The following FARP1 variants were observed in gnomAD, a reference collection of about 807,000 sequenced individuals.
The protein encoded by FARP1 is FERM, ARH/RhoGEF and pleckstrin domain protein 1, also known as FERM, ARHGEF and pleckstrin domain-containing protein 1.
In FARP1, 52 loss-of-function variants were observed where a neutral mutation model predicts 128.8. The observed-to-expected ratio is 0.40, with a 90% CI of 0.32 to 0.51. The LOEUF is 0.51. Among genes scored for constraint, FARP1 ranks in the 20% least tolerant of loss-of-function variants. The probability of loss-of-function intolerance (pLI) is 0.45; values close to 1 mark genes in which losing one functional copy is unlikely to be tolerated. For synonymous variants in FARP1, 580 were observed against 551.8 expected (o/e 1.05, Z -0.72); for missense variants, 1,333 against 1,367.9 (o/e 0.97, Z 0.40).
At chr13:98,393,019 A>G (rs2140064170) in intron 11 of FARP1, among the ~76,000 whole-genome samples, 1 of 152,270 alleles carries the variant, frequency 6.6e-6, no homozygotes, top group South Asian at 2.1e-4. Context: ...CTATATTTAC[A>G]CAGTCTCATG....
At chr13:98,299,402 G>A (rs1359302757) in intron 2 of FARP1, among the ~76,000 whole-genome samples, 2 of 152,280 alleles carry the variant, frequency 1.3e-5, no homozygotes, top group Non-Finnish European at 1.5e-5. Flanking sequence ...TTGAAAGATG[G>A]GGCCCAGCAG....
chr13:98,198,233 T>C (rs192505781), intron 1 of FARP1, among the ~76,000 whole-genome samples: 2 of 152,342 alleles, frequency 1.3e-5, no homozygotes, highest in East Asian at 3.9e-4. Context: ...AGGACTTTGC[T>C]TCTCGTTTCC....
chr13:98,395,849 G>T (rs1427721698), intron 13 of FARP1: 6 of 400,632 alleles, frequency 1.5e-5, no homozygotes, highest in Admixed American at 8.7e-5. Flanking sequence ...GCTGGTCACA[G>T]CCCCCTGGCC....
At chr13:98,214,050 G>T (rs1326831187) in intron 2 of FARP1, among the ~76,000 whole-genome samples, 6 of 152,182 alleles carry the variant, frequency 3.9e-5, no homozygotes, top group African/African-American at 7.2e-5. Context: ...CAGCCTGGGG[G>T]CCGGAGGTGT....
intron 24 of FARP1, 72 bp downstream of exon 24, chr13:98,440,908 C>T: frequency 6.8e-7 from 1 of 1,462,546 alleles, no homozygotes; most frequent in Non-Finnish European, 9.2e-7. Flanking sequence ...AACTTCTGGG[C>T]CAGGGGCTTG....
chr13:98,153,007 G>A (rs1209523890), intron 1 of FARP1, among the ~76,000 whole-genome samples: 1 of 151,958 alleles, frequency 6.6e-6, no homozygotes, highest in African/African-American at 2.4e-5. Context: ...AGCCATTTCT[G>A]TCAACCTAGA....
chr13:98,320,599 G>A lies in FARP1; in HGVS notation c.172-23163G>A, dbSNP rs563294613. Among the ~76,000 whole-genome samples the A allele has an allele frequency of 2.0e-5, 3 of 152,120 alleles. No individual in the cohort carries two copies. The East Asian group carries it at 5.8e-4, about 29-fold the overall frequency. On this transcript the variant is annotated intron_variant, in intron 2 of 26. Transcript: ENST00000319562. ...ATGAACAGATTTAACTTGCTTTTTT[G>A]GTATCCATGGACACCTTAGACTGTT...
At chr13:98,384,972 A>C (rs913253918) in intron 7 of FARP1, 128 bp downstream of exon 7, 8 of 635,960 alleles carry the variant, frequency 1.3e-5, no homozygotes, top group Non-Finnish European at 2.3e-5. Context: ...TGAGGAAAGA[A>C]GATCACAGAG....
At chr13:98,254,575 C>T (rs191752018) in intron 2 of FARP1, among the ~76,000 whole-genome samples, 1 of 152,230 alleles carries the variant, frequency 6.6e-6, no homozygotes, top group Admixed American at 6.5e-5. Flanking sequence ...TATCCTTCTG[C>T]CTGTGTTGCT....
chr13:98,409,468 G>A lies in FARP1; in HGVS notation c.1545G>A (p.Pro515=), dbSNP rs781763638. 15 of 1,613,878 alleles carry A rather than the reference G, an allele frequency of 9.3e-6. No homozygotes were observed. The highest frequency in any genetic ancestry group is 1.1e-5 in the Non-Finnish European group (13 of 1,179,936). The change falls in exon 14 of 27, where the codon CCG becomes CCA. Residue 515 remains proline, a synonymous_variant. Coordinates refer to ENST00000319562, the MANE Select transcript of FARP1 (RefSeq NM_005766.4). ...DTKQASPLIS[P]LLNDQACPRT... is the part of the protein sequence containing the mutation. ...AGCAGGCCTCTCCCTTGATCAGCCC[G>A]CTGCTGAATGACCAGGCCTGCCCCC...
chr13:98,157,502 G>A (rs1393985126), intron 1 of FARP1, among the ~76,000 whole-genome samples: 1 of 152,054 alleles, frequency 6.6e-6, no homozygotes, highest in Non-Finnish European at 1.5e-5. Flanking sequence ...CTCCTCCCGG[G>A]TGCCAGCGTG....
chr13:98,188,203 A>G (rs1188674272), intron 1 of FARP1, among the ~76,000 whole-genome samples: 3 of 152,178 alleles, frequency 2.0e-5, no homozygotes, highest in Non-Finnish European at 2.9e-5. Flanking sequence ...TCTTGTTCAC[A>G]GGAGTGTCCT....
At chr13:98,333,324 A>G (rs1168797253) in intron 2 of FARP1, 3 of 152,112 alleles carry the variant, frequency 2.0e-5, no homozygotes, top group African/African-American at 7.2e-5. Context: ...ACTCAAGATC[A>G]GGAGATGACA....
At chr13:98,382,484 T>C (rs902542252) in intron 6 of FARP1, 1 of 151,874 alleles carries the variant, frequency 6.6e-6, no homozygotes, top group African/African-American at 2.4e-5. Flanking sequence ...TGGGAAAGAG[T>C]GTGTTCTAAG....
rs1217734679 is a variant in FARP1 at position 98,176,265 on chromosome 13, A to T, written c.-24+32773A>T. The stretch of plus-strand genomic sequence containing the variant: ...GACACTCATGGGGGTCTTCTGTGAA[A>T]TGGGACTTGCCCCCACCTTCTGCAG... On this transcript the variant is annotated intron_variant, in intron 1 of 26. Transcript: ENST00000319562. The surrounding 1 kb of genome is among the most constrained non-coding windows in gnomAD (Gnocchi z 6.2). 6 of 1,611,316 alleles carry T rather than the reference A, an allele frequency of 3.7e-6. No individual in the cohort carries two copies. The highest frequency in any genetic ancestry group is 5.1e-6 in the Non-Finnish European group (6 of 1,178,212).
At chr13:98,440,554 G>T in intron 23 of FARP1, 116 bp from the exon 24 acceptor site, 1 of 1,046,492 alleles carries the variant, frequency 9.6e-7, no homozygotes, top group South Asian at 1.6e-5. Flanking sequence ...GATTCTGGTT[G>T]GGCACCACAG....
At chr13:98,261,563 AC>A (rs1462615480) in intron 2 of FARP1, among the ~76,000 whole-genome samples, 4 of 150,396 alleles carry the variant, frequency 2.7e-5, no homozygotes, top group Non-Finnish European at 4.4e-5. Context: ...GGCTTTGAAT[AC>A]AATGGGAAGG....
At chr13:98,357,014 G>A (rs571307667) in intron 3 of FARP1, among the ~76,000 whole-genome samples, 2 of 152,192 alleles carry the variant, frequency 1.3e-5, no homozygotes, top group Non-Finnish European at 2.9e-5. Flanking sequence ...AGCCACTTCA[G>A]TTTTTAAATT....
chr13:98,448,336 T>A lies in FARP1; in HGVS notation c.*19T>A, dbSNP rs1436188759. On this transcript the variant is annotated 3_prime_UTR_variant, in exon 27 of 27. Transcript: ENST00000319562. ...GTATTGATGGCCGGACACACTCGTT[T>A]CCGCAGTGGCTGCTTTCCTGGAAGA... The A allele has an allele frequency of 6.3e-7, 1 of 1,577,734 alleles. No individual in the cohort carries two copies. The highest frequency in any genetic ancestry group is 2.2e-5 in the East Asian group (1 of 44,740).
Sources: gnomAD v4.1 joint callset for allele counts (sites outside exome capture counted in the v4.1 genomes callset) on GRCh38, gnomAD v4.1.1 for gene constraint, Gnocchi (gnomAD v3.1) non-coding constraint, MANE v1.5 for transcripts, NCBI Gene and HGNC (gene_info 2026-07-23, HGNC 2026-07-21) for gene names.